PAX2: variants seen among roughly 807,000 people sequenced by gnomAD.
PAX2 encodes paired box 2, also known as paired box protein Pax-2.
In PAX2, 9 loss-of-function variants were observed where a neutral mutation model predicts 41.7. That is an observed-to-expected ratio of 0.22 (90% CI 0.13 to 0.38). The LOEUF (loss-of-function observed/expected upper bound fraction) is 0.38. Ranked by LOEUF, PAX2 falls within the 10% of genes least tolerant of loss-of-function variation. The probability of loss-of-function intolerance (pLI) is 1.00; values close to 1 mark genes in which losing one functional copy is unlikely to be tolerated. For missense variants in PAX2, 418 were observed against 531.6 expected, an observed-to-expected ratio of 0.79 and a Z score of 2.10; for synonymous variants, 221 against 212.7, an observed-to-expected ratio of 1.04 and a Z score of -0.34.
At chr10:100,777,367 G>GA (rs886248742) in intron 3 of PAX2, among the ~76,000 whole-genome samples, 16 of 149,908 alleles carry the variant, frequency 1.1e-4, no homozygotes, top group Admixed American at 2.7e-4. Flanking sequence ...CCAAAGTGCT[G>GA]AGATTACAGG....
chr10:100,788,451 C>A (rs1846963285), intron 5 of PAX2, among the ~76,000 whole-genome samples: 1 of 152,248 alleles, frequency 6.6e-6, no homozygotes, highest in African/African-American at 2.4e-5. Context: ...GCTGCCACTG[C>A]CTGGCTTCCC....
At chr10:100,737,028 TTC>T (rs1176540530) in intron 1 of PAX2, among the ~76,000 whole-genome samples, 1 of 152,190 alleles carries the variant, frequency 6.6e-6, no homozygotes, top group Non-Finnish European at 1.5e-5. Context: ...TGCACAGGGC[TTC>T]TCTCTCCCAA....
At position 100,750,636 on chromosome 10, in the gene PAX2, G is replaced by GC; in HGVS notation, c.213-52dup. On this transcript the variant is annotated intron_variant, in intron 2 of 9. Transcript: ENST00000355243. This position sits in a 1 kb window ranked among gnomAD's most constrained non-coding sequence, Gnocchi z 4.1. The stretch of plus-strand genomic sequence containing the variant: ...TGGCTCAGCAGCTCTGGAACCTGCA[G>GC]CCCCCCTGCCCCGCCACAGTCCGCT... 1.4e-6 allele frequency: 2 copies of GC among 1,464,754 alleles called. No individual in the cohort carries two copies. Among genetic ancestry groups the GC allele is most frequent in the African/African-American group, 1.4e-5 (1 of 72,120 alleles). The allele number at this position is 1,464,754 out of a possible 1,614,324, so 90.7% of individuals were successfully genotyped here.
At chr10:100,759,246 G>A (rs1845752153) in intron 3 of PAX2, among the ~76,000 whole-genome samples, 1 of 152,166 alleles carries the variant, frequency 6.6e-6, no homozygotes, top group Non-Finnish European at 1.5e-5. Flanking sequence ...CAGAGGTGAT[G>A]AAGGAGAAAG....
chr10:100,799,119 C>T (rs936695044), intron 5 of PAX2, among the ~76,000 whole-genome samples: 1 of 152,210 alleles, frequency 6.6e-6, no homozygotes, highest in African/African-American at 2.4e-5. Context: ...GCAGAGAGAG[C>T]ACCTTCTGAG....
At chr10:100,790,258 T>C (rs528992212) in intron 5 of PAX2, among the ~76,000 whole-genome samples, 2 of 152,294 alleles carry the variant, frequency 1.3e-5, no homozygotes, top group East Asian at 1.9e-4. Context: ...TAGAGGAGAC[T>C]GTATGTGTCC....
In PAX2 at chr10:100,829,655, AAG is replaced by A. The variant is rs1359681459; in HGVS notation, c.*2040_*2041del. The A allele has an allele frequency of 9.8e-6, 2 of 203,568 alleles. No homozygotes were observed. The highest frequency in any genetic ancestry group is 2.0e-5 in the Non-Finnish European group (2 of 98,714). 12.6% of individuals were successfully genotyped at this position (203,568 alleles called of 1,614,324 possible). A position where few individuals can be genotyped will look rare whatever the true frequency, so the allele number is the denominator to read the frequency against. On this transcript the variant is annotated 3_prime_UTR_variant, in exon 10 of 10. Transcript: ENST00000355243. The stretch of plus-strand genomic sequence containing the variant: ...GAGCCCTTTTTATTTGAGAAGGAAA[AAG>A]AGAAAAGAGAATCGTTTAAGGGAAC...
At chr10:100,783,055 A>G (rs1049502694) in intron 5 of PAX2, among the ~76,000 whole-genome samples, 1 of 152,210 alleles carries the variant, frequency 6.6e-6, no homozygotes, top group African/African-American at 2.4e-5. Flanking sequence ...CCTCTGCTGC[A>G]TGGGCTCCTG....
chr10:100,758,596 C>G (rs1022340437), intron 3 of PAX2, among the ~76,000 whole-genome samples: 2 of 152,142 alleles, frequency 1.3e-5, no homozygotes, highest in African/African-American at 2.4e-5. Flanking sequence ...CTCCCAGGCC[C>G]CAGCAGGAAG....
chr10:100,740,637 A>T, upstream of PAX2, among the ~76,000 whole-genome samples: 1 of 152,244 alleles, frequency 6.6e-6, no homozygotes. Context: ...ATGCCTATTG[A>T]TTAGCTCCAT....
At chr10:100,805,060 AC>A (rs1847725136) in intron 5 of PAX2, among the ~76,000 whole-genome samples, 1 of 140,688 alleles carries the variant, frequency 7.1e-6, no homozygotes, top group East Asian at 2.1e-4. Flanking sequence ...ACACACACAC[AC>A]ACACACACAC....
chr10:100,740,231 G>A (rs976264967), intron 1 of PAX2, among the ~76,000 whole-genome samples: 18 of 152,156 alleles, frequency 1.2e-4, no homozygotes, highest in African/African-American at 4.1e-4. Context: ...GAAGAGGACC[G>A]CGCCTGAGGC....
intron 3 of PAX2, among the ~76,000 whole-genome samples, chr10:100,766,140 C>T (rs1846021006): frequency 6.6e-6 from 1 of 152,224 alleles, no homozygotes. Context: ...TGAACCCATG[C>T]AGTCCTGGCT....
At chr10:100,783,473 C>A (rs1171890977) in intron 5 of PAX2, among the ~76,000 whole-genome samples, 1 of 152,086 alleles carries the variant, frequency 6.6e-6, no homozygotes, top group Non-Finnish European at 1.5e-5. Flanking sequence ...TGTTCAGAGA[C>A]AATGGTAGCC....
chr10:100,759,006 G>C (rs1310368284), intron 3 of PAX2, among the ~76,000 whole-genome samples: 1 of 152,192 alleles, frequency 6.6e-6, no homozygotes, highest in Non-Finnish European at 1.5e-5. Flanking sequence ...GGCAGGAAGC[G>C]ATGAAGCTGA....
At chr10:100,819,629 A>G (rs1848314870) in intron 7 of PAX2, among the ~76,000 whole-genome samples, 1 of 152,202 alleles carries the variant, frequency 6.6e-6, no homozygotes, top group South Asian at 2.1e-4. Flanking sequence ...TGAAGATTAA[A>G]TGAGATAATA....
At position 100,750,603 on chromosome 10, in the gene PAX2, C is replaced by A; in HGVS notation, c.213-91C>A. On this transcript the variant is annotated intron_variant, in intron 2 of 9. Transcript: ENST00000355243. The surrounding 1 kb of genome is among the most constrained non-coding windows in gnomAD (Gnocchi z 4.1). Reference sequence around the variant, plus strand: ...CCTCCACTCCGCTGCCTCGGCCGGGCAGGAGAGTGGCTCAGCAGCTCTGGA... The same window carrying A: ...CCTCCACTCCGCTGCCTCGGCCGGGAAGGAGAGTGGCTCAGCAGCTCTGGA... The A allele has an allele frequency of 2.6e-6, 3 of 1,156,378 alleles. No homozygotes were observed. Among genetic ancestry groups the A allele is most frequent in the Non-Finnish European group, 3.8e-6 (3 of 785,572 alleles). 71.6% of individuals were successfully genotyped at this position (1,156,378 alleles called of 1,614,324 possible). A position where few individuals can be genotyped will look rare whatever the true frequency, so the allele number is the denominator to read the frequency against.
Position 100,824,766 on chromosome 10 carries a change from C to G in PAX2, c.1021+17C>G. On this transcript the variant is annotated intron_variant, in intron 8 of 9. Transcript: ENST00000355243. This position sits in a 1 kb window ranked among gnomAD's most constrained non-coding sequence, Gnocchi z 6.6. ...TGGTGCCTGGTAGGTGACAATGCTG[C>G]AGCTGCCTAATCTAGGTGGGGGGAA... 1 of 1,566,152 alleles carries G rather than the reference C, an allele frequency of 6.4e-7. No individual in the cohort carries two copies. Among genetic ancestry groups the G allele is most frequent in the South Asian group, 1.1e-5 (1 of 90,188 alleles).
intron 5 of PAX2, among the ~76,000 whole-genome samples, chr10:100,786,706 CT>C (rs1446375346): frequency 6.6e-6 from 1 of 152,170 alleles, no homozygotes; most frequent in Non-Finnish European, 1.5e-5. Context: ...AGGCATCACC[CT>C]ACCTTCTGCT....
Sources: gnomAD v4.1 joint callset for allele counts (sites outside exome capture counted in the v4.1 genomes callset) on GRCh38, gnomAD v4.1.1 for gene constraint, Gnocchi (gnomAD v3.1) non-coding constraint, MANE v1.5 for transcripts, NCBI Gene and HGNC (gene_info 2026-07-23, HGNC 2026-07-21) for gene names.